Variants in TMEM260 observed in about 807,000 individuals in gnomAD.
TMEM260 encodes transmembrane protein 260, also known as protein O-mannosyl-transferase TMEM260.
A neutral mutation model predicts 88.9 loss-of-function variants in TMEM260; 82 were observed. That is an observed-to-expected ratio of 0.92 (90% confidence interval 0.77 to 1.11). TMEM260 has a LOEUF of 1.11. Ranked by LOEUF, TMEM260 falls within the 50% of genes least tolerant of loss-of-function variation. The pLI is 0.00. For synonymous variants in TMEM260, 314 were observed against 309.3 expected (o/e 1.02, Z -0.16); for missense variants, 902 against 853.4 (o/e 1.06, Z -0.71).
At chr14:56,593,982 C>T (rs959036915) in intron 3 of TMEM260, among the ~76,000 whole-genome samples, 6 of 152,066 alleles carry the variant, frequency 3.9e-5, no homozygotes, top group African/African-American at 4.8e-5. Context: ...CCACCGCGCC[C>T]GGCCGTGAGT....
intron 1 of TMEM260, among the ~76,000 whole-genome samples, chr14:56,583,990 T>TTGTGTGTGTGTGTGTGTGTG (rs10594077): frequency 1.1e-4 from 16 of 145,942 alleles, no homozygotes; most frequent in African/African-American, 4.1e-4. Flanking sequence ...ATCCAGCCTT[T>TTGTGTGTGTGTGTGTGTGTG]TGTGTGTGTG....
At chr14:56,639,326 A>G (rs962406454) in intron 15 of TMEM260, among the ~76,000 whole-genome samples, 3 of 152,204 alleles carry the variant, frequency 2.0e-5, no homozygotes, top group African/African-American at 4.8e-5. Flanking sequence ...ATTGTAACAC[A>G]AAGAAGGGAT....
At position 56,632,158 on chromosome 14, in the gene TMEM260, C is replaced by T. The variant is rs118022508; in HGVS notation, c.1548-837C>T. On this transcript the variant is annotated intron_variant, in intron 12 of 15. Coordinates refer to ENST00000261556, the MANE Select transcript of TMEM260 (RefSeq NM_017799.4). ...TTATGGCATTGCTCTCTGCATCTCT[C>T]TCCTTTCTGTGGTCACCCCATTACT... Among the ~76,000 whole-genome samples, 122 of 152,324 alleles carry T rather than the reference C, an allele frequency of 8.0e-4. 2 individuals are homozygous for T. The East Asian group carries it at 0.023, about 28-fold the overall frequency.
chr14:56,594,606 TTGTC>T (rs1406599518), intron 3 of TMEM260, among the ~76,000 whole-genome samples: 2 of 152,230 alleles, frequency 1.3e-5, no homozygotes, highest in African/African-American at 2.4e-5. Flanking sequence ...TGACAATGGT[TTGTC>T]TGTCTTATTT....
rs528242977 is a variant in TMEM260, at chr14:56,580,196, C to T, written c.160+122C>T. On this transcript the variant is annotated intron_variant, in intron 1 of 15. Transcript: ENST00000261556. ...TCAGCTCTGGGCCTCCATCCACCCC[C>T]CTGTGCACAGCGCACTATTGTGTGT... 5.5e-5 allele frequency: 41 copies of T among 744,628 alleles called. No homozygotes were observed. In the South Asian group the frequency reaches 2.4e-3, roughly 44 times the overall value. The allele number at this position is 744,628 out of a possible 1,614,324, so 46.1% of individuals were successfully genotyped here.
At chr14:56,583,564 G>C (rs1305849629) in intron 1 of TMEM260, among the ~76,000 whole-genome samples, 1 of 152,002 alleles carries the variant, frequency 6.6e-6, no homozygotes, top group Non-Finnish European at 1.5e-5. Context: ...AAACTTAGTG[G>C]GAGAGAGAAA....
chr14:56,618,038 G>A (rs1405111025), intron 9 of TMEM260, among the ~76,000 whole-genome samples: 1 of 152,164 alleles, frequency 6.6e-6, no homozygotes, highest in African/African-American at 2.4e-5. Context: ...GTGCAGGTCA[G>A]GCCTCTTCCC....
At chr14:56,641,675 T>TAAATGTAAA (rs1889604452) in intron 15 of TMEM260, among the ~76,000 whole-genome samples, 1 of 152,104 alleles carries the variant, frequency 6.6e-6, no homozygotes, top group South Asian at 2.1e-4. Flanking sequence ...ATACTAACCT[T>TAAATGTAAA]AAATGTAAAT....
Position 56,580,022 on chromosome 14 carries a change from G to A in TMEM260, c.108G>A (p.Val36=), listed in dbSNP as rs1566518908. ...GCGGCGTGGCGGTGTTCGCCGCCGT[G>A]GCCGCAGTGTTCACCTTCACCCTGC... ...IRGGVAVFAA[V]AAVFTFTLPP... Residue 36 remains valine, a synonymous_variant, in exon 1 of 16, where the codon GTG becomes GTA. Coordinates refer to ENST00000261556, the MANE Select transcript of TMEM260 (RefSeq NM_017799.4). 1 of 1,249,624 alleles carries A rather than the reference G, an allele frequency of 8.0e-7. No homozygotes were observed. The highest frequency in any genetic ancestry group is 1.0e-6 in the Non-Finnish European group (1 of 989,724). 77.4% of individuals were successfully genotyped at this position (1,249,624 alleles called of 1,614,324 possible).
intron 3 of TMEM260, among the ~76,000 whole-genome samples, chr14:56,597,093 A>G (rs1180209308): frequency 1.3e-5 from 2 of 152,184 alleles, no homozygotes; most frequent in Non-Finnish European, 1.5e-5. Flanking sequence ...AATACTTGCA[A>G]AAGACGATGC....
intron 1 of TMEM260, among the ~76,000 whole-genome samples, chr14:56,584,371 C>T (rs1429153606): frequency 1.3e-5 from 2 of 152,012 alleles, no homozygotes. Context: ...CAAATTACTG[C>T]ATCATAATTT....
intron 15 of TMEM260, among the ~76,000 whole-genome samples, chr14:56,639,486 A>G (rs1237867054): frequency 1.3e-5 from 2 of 152,210 alleles, no homozygotes; most frequent in African/African-American, 4.8e-5. Context: ...TAACAGGTCT[A>G]TATTTGTATA....
chr14:56,596,429 TAC>T lies in TMEM260; in HGVS notation c.345-7378_345-7377del, dbSNP rs754452722. 4.9e-4 allele frequency among the ~76,000 whole-genome samples: 69 copies of T among 139,452 alleles called. 1 individual carries two copies. Among genetic ancestry groups the T allele is most frequent in the African/African-American group, 1.8e-3 (65 of 36,626 alleles). The allele number at this position is 139,452 out of a possible 152,430, so 91.5% of individuals were successfully genotyped here. A position where few individuals can be genotyped will look rare whatever the true frequency, so the allele number is the denominator to read the frequency against. Reference sequence around the variant, plus strand: ...GTGTATATATATATATATATATACATACACACACATATACATATATATAGAGA... The same window carrying T: ...GTGTATATATATATATATATATACATACACACATATACATATATATAGAGA... On this transcript the variant is annotated intron_variant, in intron 3 of 15. Coordinates refer to ENST00000261556, the MANE Select transcript of TMEM260 (RefSeq NM_017799.4).
chr14:56,636,005 G>T (rs961892527), intron 14 of TMEM260, among the ~76,000 whole-genome samples: 7 of 152,040 alleles, frequency 4.6e-5, no homozygotes, highest in African/African-American at 1.2e-4. Flanking sequence ...ATTGAATGTG[G>T]GAAAGCGGGG....
At chr14:56,620,539 T>G (rs1220281217) in intron 10 of TMEM260, among the ~76,000 whole-genome samples, 1 of 152,242 alleles carries the variant, frequency 6.6e-6, no homozygotes, top group Non-Finnish European at 1.5e-5. Context: ...CTAGGTGTTT[T>G]TATCTTGTTT....
intron 13 of TMEM260, among the ~76,000 whole-genome samples, chr14:56,634,098 T>C (rs1448982624): frequency 6.6e-6 from 1 of 152,166 alleles, no homozygotes; most frequent in Non-Finnish European, 1.5e-5. Context: ...CTATCAAATA[T>C]ATACATAGTA....
At chr14:56,653,573 A>C (rs1890243414), downstream of TMEM260, among the ~76,000 whole-genome samples, 1 of 151,720 alleles carries the variant, frequency 6.6e-6, no homozygotes, top group African/African-American at 2.4e-5. Context: ...ATCTCTACTA[A>C]AAATACAAAA....
rs1289013906 is a variant in TMEM260 at position 56,646,547 on chromosome 14, A to ACTCTATCCAATTAATACTGT, written c.1870-691_1870-672dup. ...GAAAACTCAGTATAAAAAAAATTTA[A>ACTCTATCCAATTAATACTGT]CTCTATCCAATTAATACTGTCTCTG... On this transcript the variant is annotated intron_variant, in intron 15 of 15. Transcript: ENST00000261556. 2.6e-5 allele frequency among the ~76,000 whole-genome samples: 4 copies of ACTCTATCCAATTAATACTGT among 152,170 alleles called. No individual in the cohort carries two copies. In the South Asian group the frequency reaches 8.3e-4, roughly 32 times the overall value.
chr14:56,586,511 G>A (rs2139502208), intron 3 of TMEM260, among the ~76,000 whole-genome samples: 1 of 152,076 alleles, frequency 6.6e-6, no homozygotes, highest in East Asian at 1.9e-4. Context: ...TTAAAACATT[G>A]GTCATTAGTT....
Sources: allele counts gnomAD v4.1 joint callset (sites outside exome capture counted in the v4.1 genomes callset), GRCh38; gene constraint gnomAD v4.1.1; transcripts MANE v1.5; gene names NCBI Gene and HGNC (gene_info 2026-07-23, HGNC 2026-07-21).